MYO5A: variants seen among roughly 807,000 people sequenced by gnomAD.
MYO5A encodes unconventional myosin-Va.
MYO5A carries 98 observed loss-of-function variants against 249.7 expected under a neutral mutation model. The observed-to-expected ratio is 0.39, with a 90% CI of 0.33 to 0.46. MYO5A has a LOEUF of 0.46. MYO5A is among the 20% of genes least tolerant of loss of function. The pLI, the probability that MYO5A is intolerant of heterozygous loss-of-function variation, is 0.98. For synonymous variants in MYO5A, 778 were observed against 810.6 expected (o/e 0.96, Z 0.68); for missense variants, 1,696 against 2,308.8 (o/e 0.73, Z 5.44).
intron 1 of MYO5A, among the ~76,000 whole-genome samples, chr15:52,519,634 T>A (rs932352124): frequency 6.6e-6 from 1 of 150,904 alleles, no homozygotes; most frequent in Non-Finnish European, 1.5e-5. Context: ...ATAATAATAA[T>A]AATAATAATA....
rs2037851128 is a variant in MYO5A, at chr15:52,313,538, G to A, written c.*158C>T. The A allele has an allele frequency of 1.1e-6, 1 of 952,130 alleles. No individual in the cohort carries two copies. Among genetic ancestry groups the A allele is most frequent in the Non-Finnish European group, 1.6e-6 (1 of 628,410 alleles). 59.0% of individuals were successfully genotyped at this position (952,130 alleles called of 1,614,324 possible). Reference sequence around the variant, plus strand: ...AAGAGCCTATCTTTGTTTCCAAAGTGATGAAAGTATTCTAGGGAGATTTCC... The same window carrying A: ...AAGAGCCTATCTTTGTTTCCAAAGTAATGAAAGTATTCTAGGGAGATTTCC... On this transcript the variant is annotated 3_prime_UTR_variant, in exon 42 of 42. Transcript: ENST00000399233.
At chr15:52,426,838 G>A (rs2075405826) in intron 3 of MYO5A, among the ~76,000 whole-genome samples, 1 of 152,052 alleles carries the variant, frequency 6.6e-6, no homozygotes, top group Non-Finnish European at 1.5e-5. Flanking sequence ...TTAACTTAAT[G>A]AAGTCGTCCA....
intron 1 of MYO5A, among the ~76,000 whole-genome samples, chr15:52,500,032 G>A (rs1380500449): frequency 6.6e-6 from 1 of 152,022 alleles, no homozygotes; most frequent in East Asian, 1.9e-4. Flanking sequence ...CAGCGTAGGT[G>A]ACAGAGGAAT....
intron 3 of MYO5A, among the ~76,000 whole-genome samples, chr15:52,427,621 G>A (rs2075424994): frequency 6.6e-6 from 1 of 152,134 alleles, no homozygotes; most frequent in African/African-American, 2.4e-5. Flanking sequence ...AAGAAGAAAA[G>A]GTGGCTGTTC....
chr15:52,332,240 A>G (rs796978244), intron 34 of MYO5A, among the ~76,000 whole-genome samples: 4 of 152,362 alleles, frequency 2.6e-5, no homozygotes, highest in African/African-American at 9.6e-5. Flanking sequence ...TAACCCAAAG[A>G]GCATATTTTA....
intron 4 of MYO5A, among the ~76,000 whole-genome samples, chr15:52,421,481 C>T (rs2043790498): frequency 1.3e-5 from 2 of 152,144 alleles, no homozygotes; most frequent in South Asian, 4.1e-4. Context: ...ATACAATTTT[C>T]ACCTCCAAAG....
chr15:52,516,463 T>C (rs1368710392), intron 1 of MYO5A, among the ~76,000 whole-genome samples: 1 of 152,168 alleles, frequency 6.6e-6, no homozygotes, highest in African/African-American at 2.4e-5. Context: ...GCAAAGAAAC[T>C]TCCAAGGCTG....
At chr15:52,408,250 A>T (rs536095725) in intron 6 of MYO5A, 110 bp from the exon 7 acceptor site, 2 of 678,896 alleles carry the variant, frequency 2.9e-6, no homozygotes, top group South Asian at 3.4e-5. Flanking sequence ...TAAATAAATT[A>T]TACTTTCCTA....
At chr15:52,450,570 G>A (rs2075994222) in intron 1 of MYO5A, among the ~76,000 whole-genome samples, 1 of 151,626 alleles carries the variant, frequency 6.6e-6, no homozygotes, top group African/African-American at 2.4e-5. Context: ...TCGGTAGGCT[G>A]AGGTGGGAGA....
intron 17 of MYO5A, 23 bp downstream of exon 17, chr15:52,379,799 C>T (rs1402602732): frequency 1.2e-6 from 2 of 1,613,986 alleles, no homozygotes; most frequent in Non-Finnish European, 1.7e-6. Flanking sequence ...GGATCCCTTA[C>T]ATCTGAAAAA....
chr15:52,392,164 G>T (rs1277741964), intron 11 of MYO5A, 94 bp from the exon 12 acceptor site: 1 of 1,272,898 alleles, frequency 7.9e-7, no homozygotes, highest in Non-Finnish European at 1.1e-6. Flanking sequence ...ATAATCTGTG[G>T]CTTTCAACAA....
At chr15:52,316,798 T>G (rs2038041169) in intron 40 of MYO5A, among the ~76,000 whole-genome samples, 1 of 152,238 alleles carries the variant, frequency 6.6e-6, no homozygotes, top group Non-Finnish European at 1.5e-5. Flanking sequence ...CCTTCAATGT[T>G]ATATAGAACA....
intron 1 of MYO5A, among the ~76,000 whole-genome samples, chr15:52,448,775 C>G (rs1301105076): frequency 6.6e-6 from 1 of 152,034 alleles, no homozygotes; most frequent in Non-Finnish European, 1.5e-5. Context: ...CCCACCCTCT[C>G]TTGTCCTCAT....
intron 37 of MYO5A, among the ~76,000 whole-genome samples, chr15:52,322,703 C>T (rs2038387141): frequency 6.6e-6 from 1 of 151,758 alleles, no homozygotes; most frequent in Non-Finnish European, 1.5e-5. Flanking sequence ...ATGAACATAT[C>T]CCCACAAACA....
At chr15:52,483,425 A>C (rs1236320241) in intron 1 of MYO5A, among the ~76,000 whole-genome samples, 1 of 152,196 alleles carries the variant, frequency 6.6e-6, no homozygotes, top group Non-Finnish European at 1.5e-5. Context: ...CTGTGAATTA[A>C]TTTATGATAC....
intron 28 of MYO5A, among the ~76,000 whole-genome samples, chr15:52,351,044 T>C (rs1246879068): frequency 6.6e-6 from 1 of 152,220 alleles, no homozygotes; most frequent in Non-Finnish European, 1.5e-5. Flanking sequence ...AACTTTGTGA[T>C]CATTTGGGAT....
intron 39 of MYO5A, among the ~76,000 whole-genome samples, chr15:52,317,436 T>C (rs1444169824): frequency 2.6e-5 from 4 of 152,232 alleles, no homozygotes; most frequent in African/African-American, 9.6e-5. Flanking sequence ...CAAGATAATG[T>C]AATTCTCTTT....
At chr15:52,388,140 T>C (rs186515260) in intron 13 of MYO5A, among the ~76,000 whole-genome samples, 166 of 152,330 alleles carry the variant, frequency 1.1e-3, no homozygotes, top group Middle Eastern at 3.4e-3. Flanking sequence ...GTAGCGCTGA[T>C]TGTGATCTAA....
At chr15:52,416,612 CT>C (rs2043505708) in intron 4 of MYO5A, among the ~76,000 whole-genome samples, 1 of 151,800 alleles carries the variant, frequency 6.6e-6, no homozygotes, top group African/African-American at 2.4e-5. Flanking sequence ...GTTAAGTTAC[CT>C]TTTAAACATT....
Sources: gnomAD v4.1 joint callset for allele counts (sites outside exome capture counted in the v4.1 genomes callset) on GRCh38, gnomAD v4.1.1 for gene constraint, MANE v1.5 for transcripts, NCBI Gene and HGNC (gene_info 2026-07-23, HGNC 2026-07-21) for gene names.